The following PARPBP variants were observed in gnomAD, a reference collection of about 807,000 sequenced individuals.
The protein encoded by PARPBP is PARP1 binding protein.
PARPBP carries 52 observed loss-of-function variants against 50.0 expected under a neutral mutation model. That is an observed-to-expected ratio of 1.04 (90% CI 0.83 to 1.31). The LOEUF is 1.31. Among genes scored for constraint, PARPBP ranks in the 50% most tolerant of loss-of-function variants. The pLI is 0.00. For missense variants in PARPBP, 697 were observed against 672.0 expected (o/e 1.04, Z -0.41); for synonymous variants, 244 against 232.1 (o/e 1.05, Z -0.47).
chr12:102,151,715 C>A, intron 3 of PARPBP: 1 of 1,535,606 alleles, frequency 6.5e-7, no homozygotes, highest in South Asian at 1.2e-5. Context: ...TGGAGCTGGT[C>A]CCTAAACTTC....
At chr12:102,158,929 T>C (rs1041560164) in intron 4 of PARPBP, among the ~76,000 whole-genome samples, 1 of 152,244 alleles carries the variant, frequency 6.6e-6, no homozygotes, top group Non-Finnish European at 1.5e-5. Context: ...TAAACAACAC[T>C]GATAGTTTCA....
At chr12:102,173,202 C>T (rs1402941225) in intron 6 of PARPBP, among the ~76,000 whole-genome samples, 1 of 152,184 alleles carries the variant, frequency 6.6e-6, no homozygotes, top group Non-Finnish European at 1.5e-5. Flanking sequence ...AAATAGGAAA[C>T]ACATACCCAT....
At chr12:102,165,518 G>A (rs1297399434) in intron 5 of PARPBP, among the ~76,000 whole-genome samples, 1 of 152,024 alleles carries the variant, frequency 6.6e-6, no homozygotes, top group African/African-American at 2.4e-5. Flanking sequence ...CTGCAGCTGG[G>A]TGTCATTGCC....
Position 102,166,034 on chromosome 12 carries a change from A to G in PARPBP, c.821+151A>G, listed in dbSNP as rs544953282. 1.4e-4 allele frequency: 83 copies of G among 577,530 alleles called. 1 individual carries two copies. The African/African-American group carries it at 1.5e-3, about 11-fold the overall frequency. 35.8% of individuals were successfully genotyped at this position (577,530 alleles called of 1,614,324 possible). On this transcript the variant is annotated intron_variant, in intron 6 of 10. Transcript: ENST00000327680. ...ATCTAGATGAATAAATTATAATCAC[A>G]TGACCTTACCTCCTAAATTTCTGCC...
chr12:102,174,035 A>T (rs966197472), intron 6 of PARPBP, among the ~76,000 whole-genome samples: 1 of 151,406 alleles, frequency 6.6e-6, no homozygotes, highest in African/African-American at 2.4e-5. Context: ...GTTGCATGTG[A>T]TAGTATTCAT....
In PARPBP at chr12:102,197,381, A is replaced by G. The variant is rs1891408153; in HGVS notation, c.*1090A>G. The G allele has an allele frequency of 1.2e-6, 1 of 860,184 alleles. No homozygotes were observed. Among genetic ancestry groups the G allele is most frequent in the Admixed American group, 2.6e-5 (1 of 38,414 alleles). The allele number at this position is 860,184 out of a possible 1,614,324, so 53.3% of individuals were successfully genotyped here. On this transcript the variant is annotated 3_prime_UTR_variant, in exon 11 of 11. Coordinates refer to ENST00000327680, the MANE Select transcript of PARPBP (RefSeq NM_017915.5). ...GGAAGAACTACCTGGCATGTAAGAA[A>G]TATCGTCAGTCGTCCTAATGCATAT...
At chr12:102,142,397 T>G (rs1228653079) in intron 2 of PARPBP, among the ~76,000 whole-genome samples, 1 of 152,224 alleles carries the variant, frequency 6.6e-6, no homozygotes, top group East Asian at 1.9e-4. Flanking sequence ...TAATCTTTTT[T>G]CAAGTTTTTA....
Position 102,182,588 on chromosome 12 carries a change from A to G in PARPBP, c.1224A>G (p.Arg408=). The change falls in exon 9 of 11, where the codon AGA becomes AGG. Residue 408 remains arginine, a synonymous_variant. Transcript: ENST00000327680. ...TQVNNSIKPL[R]ERICVSMQEK... is the part of the protein sequence containing the mutation. Reference sequence around the variant, plus strand: ...TGAATAATTCGATAAAACCCCTAAGAGAACGCATCTGTGTGTCAATGCAAG... The same window carrying G: ...TGAATAATTCGATAAAACCCCTAAGGGAACGCATCTGTGTGTCAATGCAAG... 2 of 1,612,388 alleles carry G rather than the reference A, an allele frequency of 1.2e-6. No homozygotes were observed. The highest frequency in any genetic ancestry group is 1.7e-6 in the Non-Finnish European group (2 of 1,178,954).
At chr12:102,164,943 T>A (rs1887985354) in intron 5 of PARPBP, among the ~76,000 whole-genome samples, 3 of 152,184 alleles carry the variant, frequency 2.0e-5, no homozygotes. Context: ...GTATATACCC[T>A]TATTGGTTAT....
At chr12:102,125,440 T>C (rs574033349) in intron 2 of PARPBP, among the ~76,000 whole-genome samples, 8 of 152,236 alleles carry the variant, frequency 5.3e-5, no homozygotes, top group African/African-American at 1.9e-4. Context: ...AAAGTACCAT[T>C]TGAGCAAAGA....
At chr12:102,133,040 T>G (rs1883103398) in intron 2 of PARPBP, among the ~76,000 whole-genome samples, 1 of 152,176 alleles carries the variant, frequency 6.6e-6, no homozygotes, top group Non-Finnish European at 1.5e-5. Context: ...TTCTTACAGT[T>G]TTTGGTGGCG....
intron 4 of PARPBP, among the ~76,000 whole-genome samples, chr12:102,156,176 C>CTTTTTTTTTTTTTTTTTTT (rs869213784): frequency 3.0e-5 from 2 of 66,176 alleles, no homozygotes; most frequent in African/African-American, 1.4e-4. Context: ...ATTAACCTTC[C>CTTTTTTTTTTTTTTTTTTT]TTTTTTTTTT....
At chr12:102,155,597 G>GGC (rs1886775117) in intron 4 of PARPBP, among the ~76,000 whole-genome samples, 2 of 112,430 alleles carry the variant, frequency 1.8e-5, no homozygotes, top group East Asian at 4.3e-4. Flanking sequence ...AGCATGGTGG[G>GGC]GGGGGGGGGC....
chr12:102,157,199 A>C (rs118034111), intron 4 of PARPBP, among the ~76,000 whole-genome samples: 1 of 152,160 alleles, frequency 6.6e-6, no homozygotes, highest in South Asian at 2.1e-4. Context: ...TAGATTTAAT[A>C]AAGTGTTTTA....
At chr12:102,150,282 GA>G in intron 3 of PARPBP, 1 of 454,400 alleles carries the variant, frequency 2.2e-6, no homozygotes, top group Non-Finnish European at 4.4e-6. Flanking sequence ...CCAGTGCGGG[GA>G]AAAAGTAGAC....
intron 9 of PARPBP, among the ~76,000 whole-genome samples, chr12:102,187,738 G>A (rs1249260541): frequency 6.6e-6 from 1 of 152,120 alleles, no homozygotes; most frequent in Non-Finnish European, 1.5e-5. Context: ...ATAAAATGCT[G>A]TCAGATAAGG....
intron 7 of PARPBP, among the ~76,000 whole-genome samples, chr12:102,176,922 T>C (rs1353340698): frequency 6.6e-6 from 1 of 152,214 alleles, no homozygotes; most frequent in Non-Finnish European, 1.5e-5. Flanking sequence ...AGGTTATTAC[T>C]ATAAGTATCA....
Position 102,196,915 on chromosome 12 carries a change from C to CA in PARPBP, c.*625dup. 1.4e-6 allele frequency: 2 copies of CA among 1,421,760 alleles called. No individual in the cohort carries two copies. The highest frequency in any genetic ancestry group is 2.0e-6 in the Non-Finnish European group (2 of 1,015,422). 88.1% of individuals were successfully genotyped at this position (1,421,760 alleles called of 1,614,324 possible). Reference sequence around the variant, plus strand: ...GATTGCATCCAAATTCACTTTAACTCAGAGTTCTGTTTAATGGTGGTAGGA... The same window carrying CA: ...GATTGCATCCAAATTCACTTTAACTCAAGAGTTCTGTTTAATGGTGGTAGGA... On this transcript the variant is annotated 3_prime_UTR_variant, in exon 11 of 11. Coordinates refer to ENST00000327680, the MANE Select transcript of PARPBP (RefSeq NM_017915.5).
At chr12:102,182,048 T>C (rs1284662019) in intron 8 of PARPBP, among the ~76,000 whole-genome samples, 1 of 152,172 alleles carries the variant, frequency 6.6e-6, no homozygotes, top group Non-Finnish European at 1.5e-5. Context: ...CAACTTATGA[T>C]GGTTTGACTT....
Sources: gnomAD v4.1 joint callset for allele counts (sites outside exome capture counted in the v4.1 genomes callset) on GRCh38, gnomAD v4.1.1 for gene constraint, MANE v1.5 for transcripts, NCBI Gene and HGNC (gene_info 2026-07-23, HGNC 2026-07-21) for gene names.